Variants in TRMT44 observed in about 807,000 individuals in gnomAD.
TRMT44 encodes the protein probable tRNA (uracil-O(2)-)-methyltransferase.
Under a neutral mutation model 77.3 loss-of-function variants are expected in TRMT44, and 78 were observed. That is an observed-to-expected ratio of 1.01 (90% CI 0.84 to 1.22). The LOEUF (loss-of-function observed/expected upper bound fraction) is 1.22, where lower values mean the gene tolerates loss of function less well. TRMT44 is among the 50% of genes most tolerant of loss of function. TRMT44 has a pLI of 0.00. For missense variants in TRMT44, 1,090 were observed against 964.4 expected (o/e 1.13, Z -1.73); for synonymous variants, 391 against 383.3 (o/e 1.02, Z -0.23).
chr4:8,453,874 T>C (rs1725621195), intron 5 of TRMT44, among the ~76,000 whole-genome samples: 1 of 152,194 alleles, frequency 6.6e-6, no homozygotes, highest in Non-Finnish European at 1.5e-5. Context: ...ACTGATAGGC[T>C]GCGCATATTT....
Position 8,452,842 on chromosome 4 carries a change from A to C in TRMT44, c.1024-40A>C. ...GTCTAAATTATTCTTGCGTAGAGTG[A>C]ATTACCACCTGACTTTGTTTTGTTT... On this transcript the variant is annotated intron_variant, in intron 4 of 10. Coordinates refer to ENST00000389737, the MANE Select transcript of TRMT44 (RefSeq NM_152544.3). The surrounding 1 kb of genome is among the most constrained non-coding windows in gnomAD (Gnocchi z 5.7). 8.0e-7 allele frequency: 1 copy of C among 1,253,274 alleles called. No homozygotes were observed. 77.6% of individuals were successfully genotyped at this position (1,253,274 alleles called of 1,614,324 possible). A position where few individuals can be genotyped will look rare whatever the true frequency, so the allele number is the denominator to read the frequency against.
chr4:8,480,748 A>G (rs548672626), downstream of TRMT44, among the ~76,000 whole-genome samples: 1 of 152,278 alleles, frequency 6.6e-6, no homozygotes, highest in East Asian at 1.9e-4. Flanking sequence ...CCAAATTCCT[A>G]TCTAAGGGGT....
Position 8,441,007 on chromosome 4 carries a change from G to T in TRMT44, c.185G>T (p.Ser62Ile), listed in dbSNP as rs1369404669. 6.6e-7 allele frequency: 1 copy of T among 1,517,180 alleles called. No homozygotes were observed. Among genetic ancestry groups the T allele is most frequent in the South Asian group, 1.2e-5 (1 of 81,314 alleles). 94.0% of individuals were successfully genotyped at this position (1,517,180 alleles called of 1,614,324 possible). ...GCGGAGGCCCGCGGCCCCGGGACTA[G>T]CGCAGGCTCGGAGCAGAAGGAGCGG... Reference protein sequence around the residue: ...PCAEARGPGTSAGSEQKERGP... With the variant: ...PCAEARGPGTIAGSEQKERGP... Residue 62 changes from serine to isoleucine, a missense_variant, in exon 1 of 11, where the codon AGC becomes ATC. Physicochemically the swap from Ser to Ile is moderately radical, Grantham distance 142 (BLOSUM62 -2). Coordinates refer to ENST00000389737, the MANE Select transcript of TRMT44 (RefSeq NM_152544.3).
At chr4:8,457,017 G>GCCC (rs34337697) in intron 6 of TRMT44, among the ~76,000 whole-genome samples, 1 of 126,212 alleles carries the variant, frequency 7.9e-6, no homozygotes, top group African/African-American at 2.9e-5. Flanking sequence ...CAAGACACCC[G>GCCC]CCCCCCCCCC....
chr4:8,449,959 T>TC lies in TRMT44; in HGVS notation c.954+71_954+72insC. On this transcript the variant is annotated intron_variant, in intron 3 of 10. Transcript: ENST00000389737. ...CTTTTCTTTTCTTTTCTTTTTTTTT[T>TC]TTTTTTTTTTTTTTTGCGACAGTCT... The TC allele has an allele frequency of 8.5e-6, 3 of 353,832 alleles. No homozygotes were observed. In the South Asian group the frequency reaches 1.0e-4, roughly 12 times the overall value. 21.9% of individuals were successfully genotyped at this position (353,832 alleles called of 1,614,324 possible).
At position 8,476,332 on chromosome 4, in the gene TRMT44, C is replaced by G. The variant is rs1163320296; in HGVS notation, c.*331C>G. The G allele has an allele frequency of 1.1e-5, 4 of 348,994 alleles. No homozygotes were observed. Among genetic ancestry groups the G allele is most frequent in the Admixed American group, 4.6e-5 (1 of 21,528 alleles). 21.6% of individuals were successfully genotyped at this position (348,994 alleles called of 1,614,324 possible). A position where few individuals can be genotyped will look rare whatever the true frequency, so the allele number is the denominator to read the frequency against. ...CTGAGGCTGCCTTGCACAGGCCCTT[C>G]CCAGGGCGCTGTCCGACGCCTGCCC... On this transcript the variant is annotated 3_prime_UTR_variant, in exon 11 of 11. Coordinates refer to ENST00000389737, the MANE Select transcript of TRMT44 (RefSeq NM_152544.3).
At chr4:8,511,217 T>C in the TRMT44 span, among the ~76,000 whole-genome samples, 4,170 of 152,172 alleles carry the variant, frequency 0.027, 66 homozygotes, top group South Asian at 0.042. Flanking sequence ...GTTACAGAAG[T>C]ATGTGAGCCC....
chr4:8,447,855 C>T (rs574823000), intron 2 of TRMT44, among the ~76,000 whole-genome samples: 8 of 152,302 alleles, frequency 5.3e-5, no homozygotes, highest in African/African-American at 1.7e-4. Flanking sequence ...CTGTGCTCGG[C>T]GATGCTGAAC....
chr4:8,446,362 G>C lies in TRMT44; in HGVS notation c.620-114G>C. On this transcript the variant is annotated intron_variant, in intron 1 of 10. Coordinates refer to ENST00000389737, the MANE Select transcript of TRMT44 (RefSeq NM_152544.3). The surrounding 1 kb of genome is among the most constrained non-coding windows in gnomAD (Gnocchi z 4.3). ...CTCTCCTGGAGTGCCATTGTGAATA[G>C]AGTGCTGGGGGATTGAAAGCATCGT... The C allele has an allele frequency of 1.5e-6, 1 of 666,538 alleles. No individual in the cohort carries two copies. Among genetic ancestry groups the C allele is most frequent in the East Asian group, 2.8e-5 (1 of 36,348 alleles). 41.3% of individuals were successfully genotyped at this position (666,538 alleles called of 1,614,324 possible).
Position 8,467,949 on chromosome 4 carries a change from C to T in TRMT44, c.1530C>T (p.Ser510=), listed in dbSNP as rs1374322059. Residue 510 remains serine, a synonymous_variant, in exon 9 of 11, where the codon TCC becomes TCT. Coordinates refer to ENST00000389737, the MANE Select transcript of TRMT44 (RefSeq NM_152544.3). ...CLVGKSRTYP[S]SREASVDEKR... The stretch of plus-strand genomic sequence containing the variant: ...TTGGAAAATCCAGAACATACCCTTC[C>T]TCCAGAGAAGCTTCCGTGGATGAAA... The T allele has an allele frequency of 6.2e-6, 10 of 1,613,342 alleles. No individual in the cohort carries two copies. The East Asian group carries it at 1.8e-4, about 29-fold the overall frequency.
downstream of TRMT44, among the ~76,000 whole-genome samples, chr4:8,496,295 A>G (rs750378899): frequency 4.6e-5 from 7 of 152,180 alleles, no homozygotes; most frequent in Non-Finnish European, 1.0e-4. Flanking sequence ...GATGTGTCCA[A>G]TTCTTTGTTC....
rs527524969 is a variant in TRMT44 at position 8,476,346 on chromosome 4, C to A, written c.*345C>A. Reference sequence around the variant, plus strand: ...CACAGGCCCTTCCCAGGGCGCTGTCCGACGCCTGCCCCACCATGTCCACAT... The same window carrying A: ...CACAGGCCCTTCCCAGGGCGCTGTCAGACGCCTGCCCCACCATGTCCACAT... On this transcript the variant is annotated 3_prime_UTR_variant, in exon 11 of 11. Transcript: ENST00000389737. 4.8e-5 allele frequency: 15 copies of A among 311,078 alleles called. No individual in the cohort carries two copies. Among genetic ancestry groups the A allele is most frequent in the Non-Finnish European group, 7.8e-5 (13 of 166,116 alleles). The allele number at this position is 311,078 out of a possible 1,614,324, so 19.3% of individuals were successfully genotyped here.
chr4:8,455,124 C>T (rs919087299), intron 6 of TRMT44, among the ~76,000 whole-genome samples: 13 of 152,200 alleles, frequency 8.5e-5, no homozygotes, highest in East Asian at 3.9e-4. Context: ...GGCTGTGCCC[C>T]GTGCATTTTG....
intron 9 of TRMT44, 141 bp from the exon 10 acceptor site, chr4:8,470,943 G>A: frequency 1.6e-6 from 1 of 641,304 alleles, no homozygotes; most frequent in Non-Finnish European, 2.8e-6. Context: ...GTGTGGGTTA[G>A]GTGAGATGGA....
At chr4:8,473,099 T>C (rs1458198885) in intron 10 of TRMT44, among the ~76,000 whole-genome samples, 1 of 152,254 alleles carries the variant, frequency 6.6e-6, no homozygotes, top group Non-Finnish European at 1.5e-5. Flanking sequence ...CTGGGTCTTA[T>C]CTCTGTATGA....
chr4:8,464,720 A>G (rs910326965), intron 7 of TRMT44, among the ~76,000 whole-genome samples: 3 of 152,252 alleles, frequency 2.0e-5, no homozygotes, highest in Admixed American at 6.5e-5. Context: ...AAGTACTTCA[A>G]GAAGTTTCAG....
intron 9 of TRMT44, among the ~76,000 whole-genome samples, chr4:8,469,375 G>T (rs1047507602): frequency 1.3e-5 from 2 of 152,220 alleles, no homozygotes; most frequent in Non-Finnish European, 2.9e-5. Flanking sequence ...TGGGGCTGGA[G>T]CACAGAGGAA....
intron 2 of TRMT44, among the ~76,000 whole-genome samples, chr4:8,487,736 C>CA (rs2109226843): frequency 6.6e-6 from 1 of 151,240 alleles, no homozygotes; most frequent in African/African-American, 2.4e-5. Context: ...CTCAGAAAAG[C>CA]AAAAAAGGGG....
intron 1 of TRMT44, among the ~76,000 whole-genome samples, chr4:8,443,957 C>CT (rs145943326): frequency 0.026 from 3,720 of 145,044 alleles, 146 homozygotes; most frequent in African/African-American, 0.089. Context: ...GGGACTCAGT[C>CT]TAAAAAAAAA....
Sources: gnomAD v4.1 joint callset for allele counts (sites outside exome capture counted in the v4.1 genomes callset) on GRCh38, gnomAD v4.1.1 for gene constraint, Gnocchi (gnomAD v3.1) non-coding constraint, MANE v1.5 for transcripts, NCBI Gene and HGNC (gene_info 2026-07-23, HGNC 2026-07-21) for gene names.